Variants in FRMD3 observed in about 807,000 individuals in gnomAD.
The protein encoded by FRMD3 is FERM domain containing 3.
Under a neutral mutation model 70.2 loss-of-function variants are expected in FRMD3, and 33 were observed. That is an observed-to-expected ratio of 0.47 (90% confidence interval 0.36 to 0.63). The LOEUF is 0.63. Ranked by LOEUF, FRMD3 falls within the 20% of genes least tolerant of loss-of-function variation. FRMD3 has a pLI of 0.00. For missense variants in FRMD3, 632 were observed against 711.4 expected (o/e 0.89, Z 1.27); for synonymous variants, 279 against 255.9 (o/e 1.09, Z -0.86).
intron 2 of FRMD3, among the ~76,000 whole-genome samples, chr9:83,385,835 A>T (rs898604814): frequency 6.6e-6 from 1 of 152,124 alleles, no homozygotes; most frequent in African/African-American, 2.4e-5. Flanking sequence ...TAATTATCCA[A>T]GGCCCATTTT....
the FRMD3 span, among the ~76,000 whole-genome samples, chr9:83,574,410 C>A: frequency 6.6e-6 from 1 of 152,170 alleles, no homozygotes; most frequent in Non-Finnish European, 1.5e-5. Flanking sequence ...TAATAAACTA[C>A]ATTAAATTAC....
At chr9:83,357,474 C>A (rs1824439630) in intron 3 of FRMD3, among the ~76,000 whole-genome samples, 2 of 151,290 alleles carry the variant, frequency 1.3e-5, no homozygotes, top group South Asian at 4.2e-4. Flanking sequence ...AATGGTAGAT[C>A]TACTTTTAGT....
chr9:83,369,365 C>T (rs901722529), intron 3 of FRMD3, among the ~76,000 whole-genome samples: 8 of 152,018 alleles, frequency 5.3e-5, no homozygotes, highest in African/African-American at 1.9e-4. Flanking sequence ...CACCTGAGGT[C>T]AGGAGTTCAA....
intron 1 of FRMD3, among the ~76,000 whole-genome samples, chr9:83,502,935 T>C (rs1001835915): frequency 2.0e-5 from 3 of 152,124 alleles, no homozygotes; most frequent in African/African-American, 7.2e-5. Flanking sequence ...ACTGGGGTTC[T>C]GGAAATACAA....
At chr9:83,349,596 A>T in intron 4 of FRMD3, 83 bp downstream of exon 4, 1 of 914,486 alleles carries the variant, frequency 1.1e-6, no homozygotes. Flanking sequence ...AGCTCTAGAC[A>T]GGAGGCCCAT....
At position 83,248,302 on chromosome 9, in the gene FRMD3, A is replaced by G. The variant is rs753743435; in HGVS notation, c.1410T>C (p.Pro470=). The G allele has an allele frequency of 1.7e-5, 27 of 1,614,088 alleles. No individual in the cohort carries two copies. The highest frequency in any genetic ancestry group is 1.3e-5 in the Non-Finnish European group (15 of 1,180,050). The change falls in exon 14 of 14, where the codon CCT becomes CCC. Residue 470 remains proline (P), a synonymous_variant. Transcript: ENST00000304195. ...DDEIDMLFDC[P]SRLELEREDT... is the part of the protein sequence containing the mutation. ...CTTCTCTTTCCAACTCAAGCCTAGA[A>G]GGACAGTCAAAGAGCATGTCAATCT...
At chr9:83,306,594 TTTTC>T (rs1835144704) in intron 10 of FRMD3, among the ~76,000 whole-genome samples, 1 of 152,166 alleles carries the variant, frequency 6.6e-6, no homozygotes. Flanking sequence ...TCTCTAGCTT[TTTTC>T]TTTTTTTTTC....
chr9:83,567,180 C>T, the FRMD3 span, among the ~76,000 whole-genome samples: 1 of 152,248 alleles, frequency 6.6e-6, no homozygotes, highest in Non-Finnish European at 1.5e-5. Context: ...CACGTGGAAG[C>T]TGCCAAGGCT....
chr9:83,372,807 C>A, intron 3 of FRMD3, 106 bp downstream of exon 3: 1 of 1,025,346 alleles, frequency 9.8e-7, no homozygotes, highest in Non-Finnish European at 1.5e-6. Context: ...CACCCCCCAA[C>A]ACCTCTTCAA....
chr9:83,407,884 C>G (rs1262962721), intron 1 of FRMD3, among the ~76,000 whole-genome samples: 6 of 133,214 alleles, frequency 4.5e-5, no homozygotes, highest in Non-Finnish European at 9.1e-5. Flanking sequence ...ATCTTTCTCT[C>G]TCTCTCTCTC....
chr9:83,554,017 A>G, the FRMD3 span, among the ~76,000 whole-genome samples: 1 of 152,088 alleles, frequency 6.6e-6, no homozygotes, highest in East Asian at 1.9e-4. Context: ...TAGATTAAGT[A>G]CAGTCAATAG....
At chr9:83,562,713 A>G in the FRMD3 span, among the ~76,000 whole-genome samples, 2 of 152,238 alleles carry the variant, frequency 1.3e-5, no homozygotes, top group African/African-American at 4.8e-5. Context: ...GCTCTGTGAA[A>G]GAAGGGTTTT....
At chr9:83,298,922 T>C (rs1470595590) in intron 11 of FRMD3, 106 bp from the exon 12 acceptor site, 3 of 1,180,862 alleles carry the variant, frequency 2.5e-6, no homozygotes, top group Non-Finnish European at 2.5e-6. Flanking sequence ...GACCCAGCTA[T>C]AGAAATCATG....
intron 1 of FRMD3, among the ~76,000 whole-genome samples, chr9:83,480,777 G>A (rs928982437): frequency 2.6e-5 from 4 of 152,174 alleles, no homozygotes; most frequent in African/African-American, 9.7e-5. Context: ...TTACAGGCAT[G>A]AGCCACGAGA....
intron 1 of FRMD3, among the ~76,000 whole-genome samples, chr9:83,457,195 C>T (rs1827843090): frequency 6.6e-6 from 1 of 152,192 alleles, no homozygotes; most frequent in Non-Finnish European, 1.5e-5. Flanking sequence ...GACACGCATA[C>T]ACACTTTATA....
intron 13 of FRMD3, among the ~76,000 whole-genome samples, chr9:83,265,654 T>C (rs2118746711): frequency 6.6e-6 from 1 of 152,328 alleles, no homozygotes; most frequent in South Asian, 2.1e-4. Flanking sequence ...TCATCTTCAC[T>C]GATAAAAAGG....
At chr9:83,401,568 C>G (rs927386967) in intron 1 of FRMD3, among the ~76,000 whole-genome samples, 1 of 152,192 alleles carries the variant, frequency 6.6e-6, no homozygotes, top group Non-Finnish European at 1.5e-5. Context: ...TGAGTTAACA[C>G]CACAGAGGTT....
chr9:83,456,816 C>CA (rs1443736197), intron 1 of FRMD3, among the ~76,000 whole-genome samples: 1 of 151,942 alleles, frequency 6.6e-6, no homozygotes, highest in Non-Finnish European at 1.5e-5. Flanking sequence ...CCTGTCTCTA[C>CA]AAAAAATACA....
chr9:83,528,709 G>A (rs531843342), intron 1 of FRMD3, among the ~76,000 whole-genome samples: 1 of 151,890 alleles, frequency 6.6e-6, no homozygotes, highest in Non-Finnish European at 1.5e-5. Flanking sequence ...GTATTTTTTT[G>A]TAAACACAGG....
Sources: allele counts gnomAD v4.1 joint callset (sites outside exome capture counted in the v4.1 genomes callset), GRCh38; gene constraint gnomAD v4.1.1; transcripts MANE v1.5; gene names NCBI Gene and HGNC (gene_info 2026-07-23, HGNC 2026-07-21).